Variants in HDAC9 observed in about 807,000 individuals in gnomAD.
The protein encoded by HDAC9 is histone deacetylase 9, also known as MEF-2 interacting transcription repressor (MITR) protein.
HDAC9 carries 41 observed loss-of-function variants against 139.4 expected under a neutral mutation model. The observed-to-expected ratio is 0.29, with a 90% CI of 0.23 to 0.38. The LOEUF (loss-of-function observed/expected upper bound fraction) is 0.38, where lower values mean the gene tolerates loss of function less well. Among genes scored for constraint, HDAC9 ranks in the 10% least tolerant of loss-of-function variants. The probability of loss-of-function intolerance (pLI) is 1.00; values close to 1 mark genes in which losing one functional copy is unlikely to be tolerated. For missense variants in HDAC9, 1,147 were observed against 1,297.0 expected (o/e 0.88, Z 1.78); for synonymous variants, 517 against 476.2 (o/e 1.09, Z -1.12).
chr7:18,637,687 A>G (rs1784325267), intron 8 of HDAC9, among the ~76,000 whole-genome samples: 1 of 152,096 alleles, frequency 6.6e-6, no homozygotes, highest in Non-Finnish European at 1.5e-5. Flanking sequence ...ACTATGATCC[A>G]AAAGGCCAGG....
chr7:18,277,504 T>A (rs1284905948), intron 2 of HDAC9, among the ~76,000 whole-genome samples: 1 of 152,198 alleles, frequency 6.6e-6, no homozygotes, highest in Non-Finnish European at 1.5e-5. Flanking sequence ...GGATGACAGA[T>A]GAAGCTGGAG....
intron 1 of HDAC9, among the ~76,000 whole-genome samples, chr7:18,345,099 C>G (rs1276108189): frequency 1.3e-5 from 2 of 151,910 alleles, no homozygotes; most frequent in African/African-American, 2.4e-5. Context: ...AACCAGCAAG[C>G]AAACACCTGT....
intron 2 of HDAC9, among the ~76,000 whole-genome samples, chr7:18,580,375 C>G (rs1250551307): frequency 6.6e-6 from 1 of 152,114 alleles, no homozygotes; most frequent in Non-Finnish European, 1.5e-5. Context: ...ACGGGCAGGA[C>G]TTTGCAAGGT....
chr7:18,843,003 T>A (rs1272492577), intron 21 of HDAC9, among the ~76,000 whole-genome samples: 2 of 152,102 alleles, frequency 1.3e-5, no homozygotes, highest in African/African-American at 4.8e-5. Flanking sequence ...ACTTACTTCT[T>A]CTTATTGTTT....
intron 2 of HDAC9, among the ~76,000 whole-genome samples, chr7:18,258,942 C>A (rs1241977204): frequency 7.6e-5 from 8 of 105,610 alleles, no homozygotes; most frequent in African/African-American, 2.0e-4. Flanking sequence ...AGTAGGGATT[C>A]TTCTTCTCCT....
intron 12 of HDAC9, among the ~76,000 whole-genome samples, chr7:18,670,565 T>G (rs1477600390): frequency 6.6e-6 from 1 of 152,072 alleles, no homozygotes; most frequent in East Asian, 1.9e-4. Flanking sequence ...AATAACCTGA[T>G]GAAGGAGGTA....
At chr7:18,595,534 A>T (rs1020253359) in intron 6 of HDAC9, among the ~76,000 whole-genome samples, 1 of 152,024 alleles carries the variant, frequency 6.6e-6, no homozygotes, top group African/African-American at 2.4e-5. Flanking sequence ...ATTTACTGAG[A>T]TTATGCAGAT....
intron 1 of HDAC9, among the ~76,000 whole-genome samples, chr7:18,303,539 G>C (rs1037003355): frequency 6.6e-6 from 1 of 152,160 alleles, no homozygotes; most frequent in African/African-American, 2.4e-5. Context: ...GAACCACCGC[G>C]CCCGGCCGGA....
At chr7:18,296,384 T>TTAA in intron 1 of HDAC9, among the ~76,000 whole-genome samples, 1 of 147,594 alleles carries the variant, frequency 6.8e-6, no homozygotes. Context: ...TAATAAATTT[T>TTAA]ATTTTCTCTT....
chr7:18,209,011 A>G (rs1009474766), intron 2 of HDAC9, among the ~76,000 whole-genome samples: 1 of 152,200 alleles, frequency 6.6e-6, no homozygotes, highest in African/African-American at 2.4e-5. Flanking sequence ...ATTAGTCAAC[A>G]TACCTTGCTT....
rs142334550 is a variant in HDAC9 at position 18,886,345 on chromosome 7, T to C, written c.2803+11749T>C. ...GAACACAGTTACTATAACTGTACCA[T>C]AACAGGCCATTTCAACATTGCTTAT... is the stretch of plus-strand genomic sequence containing the variant. On this transcript the variant is annotated intron_variant, in intron 22 of 25. Coordinates refer to ENST00000686413, the MANE Select transcript of HDAC9 (RefSeq NM_178425.4). Among the ~76,000 whole-genome samples, 8 of 152,330 alleles carry C rather than the reference T, an allele frequency of 5.3e-5. No individual in the cohort carries two copies. The East Asian group carries it at 1.2e-3, about 22-fold the overall frequency.
intron 13 of HDAC9, among the ~76,000 whole-genome samples, chr7:18,747,542 T>C (rs554506201): frequency 1.3e-5 from 2 of 152,330 alleles, no homozygotes; most frequent in East Asian, 1.9e-4. Context: ...TTTAAGATCA[T>C]GAATTAAAAA....
chr7:18,482,000 C>G (rs977129023), intron 1 of HDAC9, among the ~76,000 whole-genome samples: 2 of 152,090 alleles, frequency 1.3e-5, no homozygotes. Flanking sequence ...TCTTCACTAC[C>G]AGCATTTTCA....
chr7:18,244,510 A>G (rs1403491371), intron 2 of HDAC9, among the ~76,000 whole-genome samples: 4 of 152,138 alleles, frequency 2.6e-5, no homozygotes, highest in Non-Finnish European at 5.9e-5. Flanking sequence ...GCTTAGTAAG[A>G]TGTTGCGGCT....
chr7:18,888,168 T>A (rs1466575547), intron 22 of HDAC9, among the ~76,000 whole-genome samples: 18 of 152,086 alleles, frequency 1.2e-4, no homozygotes, highest in African/African-American at 4.3e-4. Flanking sequence ...CCGCCTGTAA[T>A]CCCAGCACTT....
intron 1 of HDAC9, among the ~76,000 whole-genome samples, chr7:18,340,563 T>C (rs1474331644): frequency 1.3e-5 from 2 of 151,582 alleles, no homozygotes; most frequent in East Asian, 3.9e-4. Context: ...TCAGGATTTA[T>C]AGTATACATC....
chr7:18,593,687 T>A (rs1831627954), intron 5 of HDAC9, among the ~76,000 whole-genome samples: 1 of 152,130 alleles, frequency 6.6e-6, no homozygotes, highest in African/African-American at 2.4e-5. Context: ...TCTATGTGAC[T>A]GTATGACCAA....
At chr7:18,624,701 C>T (rs1462906636) in intron 6 of HDAC9, among the ~76,000 whole-genome samples, 1 of 151,888 alleles carries the variant, frequency 6.6e-6, no homozygotes, top group African/African-American at 2.4e-5. Context: ...ATAGAATTAA[C>T]TCTAACTGCA....
At chr7:18,212,574 T>C (rs1315699406) in intron 2 of HDAC9, among the ~76,000 whole-genome samples, 2 of 152,214 alleles carry the variant, frequency 1.3e-5, no homozygotes, top group Non-Finnish European at 2.9e-5. Context: ...ATCTGTAAAA[T>C]GGGATAATAA....
Sources: allele counts gnomAD v4.1 joint callset (sites outside exome capture counted in the v4.1 genomes callset), GRCh38; gene constraint gnomAD v4.1.1; transcripts MANE v1.5; gene names NCBI Gene and HGNC (gene_info 2026-07-23, HGNC 2026-07-21).